Variants in TOP6BL observed in about 807,000 individuals in gnomAD.
TOP6BL encodes the protein type 2 DNA topoisomerase 6 subunit B-like.
the TOP6BL span, among the ~76,000 whole-genome samples, chr11:66,795,332 A>G: frequency 1.4e-5 from 2 of 141,306 alleles, no homozygotes; most frequent in South Asian, 4.4e-4. Flanking sequence ...GACAGAGTCT[A>G]GCTCTGTCAC....
the TOP6BL span, among the ~76,000 whole-genome samples, chr11:66,830,849 G>T: frequency 6.6e-6 from 1 of 152,154 alleles, no homozygotes; most frequent in Admixed American, 6.6e-5. Flanking sequence ...CACTGTATCT[G>T]TTTTTAAAAT....
the TOP6BL span, among the ~76,000 whole-genome samples, chr11:66,817,321 A>T: frequency 5.3e-5 from 8 of 152,178 alleles, no homozygotes; most frequent in African/African-American, 1.9e-4. Context: ...TTTATCTATT[A>T]GATGGGTGAC....
the TOP6BL span, among the ~76,000 whole-genome samples, chr11:66,747,979 A>T: frequency 4.6e-5 from 7 of 152,312 alleles, no homozygotes; most frequent in Admixed American, 3.9e-4. Flanking sequence ...TGAAAGATCA[A>T]GATGATTCAT....
At chr11:66,842,874 G>C in the TOP6BL span, 1 of 1,572,918 alleles carries the variant, frequency 6.4e-7, no homozygotes, top group Non-Finnish European at 8.6e-7. Context: ...CAGAAAACAA[G>C]AGGCTCAAGA....
the TOP6BL span, chr11:66,761,946 T>G: frequency 6.5e-7 from 1 of 1,545,300 alleles, no homozygotes; most frequent in Non-Finnish European, 8.9e-7. Flanking sequence ...TTCAGGGTCT[T>G]CAACCTTCTG....
chr11:66,802,667 T>C, the TOP6BL span, among the ~76,000 whole-genome samples: 2 of 152,176 alleles, frequency 1.3e-5, no homozygotes, highest in Admixed American at 1.3e-4. Context: ...GTAGTCAAAG[T>C]CTCTTAAGGC....
At chr11:66,843,381 AGCCGC>A in the TOP6BL span, 1 of 1,431,258 alleles carries the variant, frequency 7.0e-7, no homozygotes, top group Non-Finnish European at 9.1e-7. Context: ...CGGGGCGTGG[AGCCGC>A]GCCGCGGCCT....
the TOP6BL span, among the ~76,000 whole-genome samples, chr11:66,800,064 CAAAAA>C: frequency 1.1e-4 from 12 of 107,704 alleles, no homozygotes; most frequent in Non-Finnish European, 2.4e-4. Flanking sequence ...GACCCTGTCT[CAAAAA>C]AAAAAAAAAA....
chr11:66,828,278 C>CAAG, the TOP6BL span: 7 of 1,613,424 alleles, frequency 4.3e-6, no homozygotes, highest in Non-Finnish European at 5.9e-6. Flanking sequence ...AGCTGACACA[C>CAAG]AAGAGTTCAG....
At chr11:66,782,842 A>G in the TOP6BL span, among the ~76,000 whole-genome samples, 1 of 152,042 alleles carries the variant, frequency 6.6e-6, no homozygotes, top group South Asian at 2.1e-4. Context: ...TTTTCTATCT[A>G]CTTCATCTTT....
chr11:66,748,415 A>G, the TOP6BL span: 5 of 1,546,478 alleles, frequency 3.2e-6, no homozygotes, highest in Non-Finnish European at 4.4e-6. Context: ...GAAGTGTGAC[A>G]TAGATGTATC....
chr11:66,778,860 A>T, the TOP6BL span, among the ~76,000 whole-genome samples: 143 of 152,328 alleles, frequency 9.4e-4, 4 homozygotes, highest in South Asian at 0.026. Context: ...ATAATGACGC[A>T]TATCTACAAC....
the TOP6BL span, among the ~76,000 whole-genome samples, chr11:66,759,836 G>T: frequency 1.3e-5 from 2 of 152,076 alleles, no homozygotes; most frequent in African/African-American, 4.8e-5. Context: ...GCCTGCCTCG[G>T]CCTCCCAAAA....
the TOP6BL span, among the ~76,000 whole-genome samples, chr11:66,808,666 T>C: frequency 3.3e-5 from 5 of 152,130 alleles, no homozygotes; most frequent in African/African-American, 9.7e-5. Context: ...TCAAGAAATA[T>C]AATAACCAAT....
chr11:66,821,220 A>C, the TOP6BL span, among the ~76,000 whole-genome samples: 1 of 151,810 alleles, frequency 6.6e-6, no homozygotes, highest in African/African-American at 2.4e-5. Flanking sequence ...TGTACTCAGT[A>C]TTGGATTTAA....
chr11:66,785,248 C>T, the TOP6BL span, among the ~76,000 whole-genome samples: 8 of 152,048 alleles, frequency 5.3e-5, no homozygotes, highest in South Asian at 2.1e-4. Context: ...CATGAGCCAC[C>T]GTGCCGAGCC....
chr11:66,796,253 G>C, the TOP6BL span: 84 of 1,492,226 alleles, frequency 5.6e-5, no homozygotes, highest in East Asian at 1.6e-3. Context: ...GTGTATGTGT[G>C]GTAGGTGTTT....
the TOP6BL span, chr11:66,838,276 G>A: frequency 9.3e-7 from 1 of 1,071,642 alleles, no homozygotes; most frequent in East Asian, 2.5e-5. Context: ...ATAACCTTGT[G>A]AGGTCAGTGA....
chr11:66,763,579 G>T, the TOP6BL span, among the ~76,000 whole-genome samples: 5 of 151,842 alleles, frequency 3.3e-5, no homozygotes, highest in Non-Finnish European at 7.4e-5. Context: ...CAAAATGCTG[G>T]GATTACAGGC....
Sources: gnomAD v4.1 joint callset for allele counts (sites outside exome capture counted in the v4.1 genomes callset) on GRCh38, gnomAD v4.1.1 for gene constraint, MANE v1.5 for transcripts, NCBI Gene and HGNC (gene_info 2026-07-23, HGNC 2026-07-21) for gene names.